CNTNAP3B: variants seen among roughly 807,000 people sequenced by gnomAD.
The protein encoded by CNTNAP3B is contactin-associated protein-like 3B.
A neutral mutation model predicts 108.9 loss-of-function variants in CNTNAP3B; 25 were observed. The ratio of observed to expected loss-of-function variants is 0.23; its 90% CI spans 0.17 to 0.32. The LOEUF is 0.32. Among genes scored for constraint, CNTNAP3B ranks in the 10% least tolerant of loss-of-function variants. CNTNAP3B has a pLI of 1.00. For missense variants in CNTNAP3B, 252 were observed against 1,210.4 expected (o/e 0.21, Z 11.75); for synonymous variants, 103 against 473.4 (o/e 0.22, Z 10.16).
rs1462713951 is a variant in CNTNAP3B, at chr9:42,087,063, T to G, written c.197-10001A>C. 5.1e-3 allele frequency among the ~76,000 whole-genome samples: 719 copies of G among 140,252 alleles called. 40 individuals are homozygous for G. Among genetic ancestry groups the G allele is most frequent in the African/African-American group, 0.019 (688 of 36,460 alleles). 92.0% of individuals were successfully genotyped at this position (140,252 alleles called of 152,430 possible). Reference sequence around the variant, plus strand: ...TAAGATCTACATTTAAGTATTTTATTTTTTAATGCTATTGTGAATGAAATT... The same window carrying G: ...TAAGATCTACATTTAAGTATTTTATGTTTTAATGCTATTGTGAATGAAATT... On this transcript the variant is annotated intron_variant, in intron 2 of 23. Coordinates refer to ENST00000377561, the MANE Select transcript of CNTNAP3B (RefSeq NM_001201380.3).
In CNTNAP3B at chr9:42,087,661, A is replaced by G. The variant is rs1014237709; in HGVS notation, c.197-10599T>C. Among the ~76,000 whole-genome samples the G allele has an allele frequency of 5.0e-5, 7 of 140,786 alleles. 2 individuals are homozygous for G. Among genetic ancestry groups the G allele is most frequent in the Admixed American group, 5.0e-4 (7 of 14,106 alleles). The allele number at this position is 140,786 out of a possible 152,430, so 92.4% of individuals were successfully genotyped here. A position where few individuals can be genotyped will look rare whatever the true frequency, so the allele number is the denominator to read the frequency against. On this transcript the variant is annotated intron_variant, in intron 2 of 23. Transcript: ENST00000377561. ...GCCATTCTTTAATTTTAGCCATCCT[A>G]GAGAACATATTATCTCTCTATGATA...
At chr9:41,966,671 G>C (rs1479953564) in intron 10 of CNTNAP3B, among the ~76,000 whole-genome samples, 2 of 152,280 alleles carry the variant, frequency 1.3e-5, no homozygotes, top group Non-Finnish European at 2.9e-5. Flanking sequence ...TGATTAAGAA[G>C]TTAAAACCTA....
chr9:42,097,286 G>A (rs1827921750), intron 2 of CNTNAP3B, among the ~76,000 whole-genome samples: 1 of 140,156 alleles, frequency 7.1e-6, no homozygotes. Context: ...GGGGATGAGT[G>A]CGTCCAAGTT....
At chr9:42,080,297 T>C (rs28638036) in intron 2 of CNTNAP3B, among the ~76,000 whole-genome samples, 59,165 of 133,090 alleles carry the variant, frequency 0.44, 17,451 homozygotes, top group East Asian at 0.72. Context: ...AAGTAGTACT[T>C]AAATGCAAAT....
In CNTNAP3B at chr9:42,113,698, A is replaced by T. The variant is rs1226327675; in HGVS notation, c.86-8959T>A. ...AATGATCTTTCCACGGGTACAAAAA[A>T]ATAGAAAAAATGAATAACACCTAGT... On this transcript the variant is annotated intron_variant, in intron 1 of 23. Transcript: ENST00000377561. Among the ~76,000 whole-genome samples, 6 of 140,076 alleles carry T rather than the reference A, an allele frequency of 4.3e-5. 2 individuals carry two copies. Among genetic ancestry groups the T allele is most frequent in the Non-Finnish European group, 9.2e-5 (6 of 65,110 alleles). 91.9% of individuals were successfully genotyped at this position (140,076 alleles called of 152,430 possible).
At chr9:41,969,696 C>T (rs1825385200) in intron 10 of CNTNAP3B, among the ~76,000 whole-genome samples, 1 of 151,328 alleles carries the variant, frequency 6.6e-6, no homozygotes. Context: ...CTGCTCACTG[C>T]AAGCTCCACC....
intron 15 of CNTNAP3B, 96 bp downstream of exon 15, chr9:41,929,221 C>G: frequency 1.4e-6 from 2 of 1,433,680 alleles, no homozygotes; most frequent in East Asian, 2.6e-5. Context: ...AGTACTGCCA[C>G]TATTCTCTTT....
chr9:42,121,990 G>A (rs1191673388), intron 1 of CNTNAP3B, among the ~76,000 whole-genome samples: 1 of 139,634 alleles, frequency 7.2e-6, no homozygotes. Flanking sequence ...TTGCCTCCAA[G>A]TCCTCTGGGG....
intron 12 of CNTNAP3B, among the ~76,000 whole-genome samples, chr9:41,955,567 G>A (rs941484379): frequency 3.7e-4 from 56 of 151,838 alleles, no homozygotes; most frequent in Admixed American, 9.9e-4. Flanking sequence ...GTCTCCCTCT[G>A]TTGCCCAGCT....
chr9:42,073,892 T>G (rs1201078487), intron 3 of CNTNAP3B, among the ~76,000 whole-genome samples: 12 of 124,916 alleles, frequency 9.6e-5, no homozygotes, highest in South Asian at 2.6e-4. Flanking sequence ...CGTGGGGGGC[T>G]GGGGAGGAGG....
rs1193628409 is a variant in CNTNAP3B at position 41,940,458 on chromosome 9, T to G, written c.2081-2058A>C. On this transcript the variant is annotated intron_variant, in intron 13 of 23. Transcript: ENST00000377561. ...ATGGCATATTTTTTTTCAGGGCTGA[T>G]AGAAAAGAATTGTCAACTATAAATT... is the stretch of plus-strand genomic sequence containing the variant. 2.1e-4 allele frequency among the ~76,000 whole-genome samples: 32 copies of G among 152,386 alleles called. No homozygotes were observed. The South Asian group carries it at 3.7e-3, about 18-fold the overall frequency.
intron 13 of CNTNAP3B, among the ~76,000 whole-genome samples, chr9:41,944,660 G>T (rs1407185935): frequency 2.4e-3 from 358 of 151,542 alleles, no homozygotes; most frequent in African/African-American, 8.1e-3. Context: ...ATAAAAAAGA[G>T]TTACAATATG....
intron 13 of CNTNAP3B, among the ~76,000 whole-genome samples, chr9:41,942,208 G>T (rs1425713659): frequency 3.9e-5 from 6 of 152,284 alleles, no homozygotes; most frequent in Admixed American, 1.3e-4. Context: ...GGGCGCGGTG[G>T]CTCACGCCTG....
At chr9:42,062,916 A>G (rs1294078646) in intron 3 of CNTNAP3B, among the ~76,000 whole-genome samples, 1 of 96,974 alleles carries the variant, frequency 1.0e-5, no homozygotes, top group Non-Finnish European at 2.2e-5. Flanking sequence ...GATCACACAC[A>G]AAAATTCAAC....
Position 42,088,943 on chromosome 9 carries a change from G to A in CNTNAP3B, c.197-11881C>T, listed in dbSNP as rs1186832284. Among the ~76,000 whole-genome samples the A allele has an allele frequency of 3.3e-4, 45 of 135,700 alleles. 2 individuals are homozygous for A. The East Asian group carries it at 3.6e-3, about 11-fold the overall frequency. 89.0% of individuals were successfully genotyped at this position (135,700 alleles called of 152,430 possible). On this transcript the variant is annotated intron_variant, in intron 2 of 23. Transcript: ENST00000377561. ...ATTTTATGAAAAATGAGGACCAGGC[G>A]TGGTGGCTCACACCTGTAATCCCAG...
At chr9:42,108,423 G>T (rs1214962389) in intron 1 of CNTNAP3B, among the ~76,000 whole-genome samples, 8 of 137,980 alleles carry the variant, frequency 5.8e-5, no homozygotes, top group Admixed American at 1.5e-4. Context: ...GTTCAAAAAT[G>T]GTGGACTTCC....
rs565503452 is a variant in CNTNAP3B, at chr9:41,953,154, C to T, written c.2080+29G>A. On this transcript the variant is annotated intron_variant, in intron 13 of 23. Coordinates refer to ENST00000377561, the MANE Select transcript of CNTNAP3B (RefSeq NM_001201380.3). Reference sequence around the variant, plus strand: ...GAGGGCCGCGCCCCGGCCTCGTGAGCCCCTGTAGCCTCCAGCAGTGGCGCT... The same window carrying T: ...GAGGGCCGCGCCCCGGCCTCGTGAGTCCCTGTAGCCTCCAGCAGTGGCGCT... 28 of 1,504,702 alleles carry T rather than the reference C, an allele frequency of 1.9e-5. No individual in the cohort carries two copies. The Middle Eastern group carries it at 1.7e-3, about 89-fold the overall frequency. 93.2% of individuals were successfully genotyped at this position (1,504,702 alleles called of 1,614,324 possible).
intron 1 of CNTNAP3B, among the ~76,000 whole-genome samples, chr9:42,118,220 AC>A (rs1215601376): frequency 1.4e-5 from 2 of 138,622 alleles, no homozygotes; most frequent in South Asian, 2.3e-4. Context: ...AGAGACACAA[AC>A]AAAAAAGAGA....
intron 14 of CNTNAP3B, among the ~76,000 whole-genome samples, chr9:41,933,810 T>C (rs1824053901): frequency 6.6e-6 from 1 of 152,264 alleles, no homozygotes. Context: ...TTTTAAAAGT[T>C]ATATATTCAT....
Sources: gnomAD v4.1 joint callset for allele counts (sites outside exome capture counted in the v4.1 genomes callset) on GRCh38, gnomAD v4.1.1 for gene constraint, MANE v1.5 for transcripts, NCBI Gene and HGNC (gene_info 2026-07-23, HGNC 2026-07-21) for gene names.